The following CDH20 variants were observed in gnomAD, a reference collection of about 807,000 sequenced individuals.
CDH20 encodes cadherin-20.
A neutral mutation model predicts 74.2 loss-of-function variants in CDH20; 29 were observed. The observed-to-expected ratio is 0.39, with a 90% confidence interval of 0.29 to 0.53. The LOEUF is 0.53. CDH20 is among the 20% of genes least tolerant of loss of function. CDH20 has a pLI of 0.69. For missense variants in CDH20, 988 were observed against 1,048.3 expected (o/e 0.94, Z 0.79); for synonymous variants, 469 against 405.4 (o/e 1.16, Z -1.88).
intron 1 of CDH20, among the ~76,000 whole-genome samples, chr18:61,403,789 A>G (rs1048962239): frequency 7.2e-5 from 11 of 152,228 alleles, no homozygotes; most frequent in African/African-American, 2.4e-4. Context: ...AAATCATTCT[A>G]TTACAAAGAT....
At chr18:61,433,402 A>C (rs764379864) in intron 1 of CDH20, among the ~76,000 whole-genome samples, 1 of 152,212 alleles carries the variant, frequency 6.6e-6, no homozygotes, top group Non-Finnish European at 1.5e-5. Context: ...TTATTTGGAA[A>C]TATAATGAAG....
chr18:61,473,359 G>A (rs909195461), intron 1 of CDH20, among the ~76,000 whole-genome samples: 3 of 151,820 alleles, frequency 2.0e-5, no homozygotes, highest in African/African-American at 7.3e-5. Context: ...TTTTAATACC[G>A]TGAAGAGAAA....
At chr18:61,394,957 C>T (rs763479826) in intron 1 of CDH20, among the ~76,000 whole-genome samples, 4 of 152,020 alleles carry the variant, frequency 2.6e-5, no homozygotes, top group Non-Finnish European at 4.4e-5. Context: ...GAAGAGGAAC[C>T]TGTGTTCCCC....
At chr18:61,413,360 A>AT (rs1406189107) in intron 1 of CDH20, among the ~76,000 whole-genome samples, 4 of 152,152 alleles carry the variant, frequency 2.6e-5, no homozygotes, top group African/African-American at 4.8e-5. Flanking sequence ...TTTATTTTTT[A>AT]TTTTTTAACC....
intron 6 of CDH20, among the ~76,000 whole-genome samples, chr18:61,524,297 C>A (rs1410185125): frequency 3.9e-5 from 6 of 152,220 alleles, no homozygotes; most frequent in African/African-American, 1.4e-4. Context: ...ACTGGCAAAA[C>A]CAAGGGCTGA....
chr18:61,389,154 C>T (rs1203714107), intron 1 of CDH20, among the ~76,000 whole-genome samples: 1 of 152,092 alleles, frequency 6.6e-6, no homozygotes, highest in Non-Finnish European at 1.5e-5. Flanking sequence ...GAGGAGTCCT[C>T]GATTACCTGC....
intron 1 of CDH20, among the ~76,000 whole-genome samples, chr18:61,361,222 G>T (rs528015468): frequency 1.3e-5 from 2 of 152,288 alleles, no homozygotes; most frequent in South Asian, 4.1e-4. Context: ...CAGAGCTAGG[G>T]GGAAGGAGGT....
At chr18:61,534,381 A>G (rs1356477826) in intron 7 of CDH20, among the ~76,000 whole-genome samples, 2 of 152,268 alleles carry the variant, frequency 1.3e-5, no homozygotes, top group African/African-American at 4.8e-5. Context: ...ATTTCTGGGT[A>G]TATATCCAAA....
At position 61,554,677 on chromosome 18, in the gene CDH20, A is replaced by C. The variant is rs754745196; in HGVS notation, c.2388A>C (p.Gly796=). The change falls in exon 12 of 12, where the codon GGA becomes GGC. Residue 796 remains glycine, a synonymous_variant. Transcript: ENST00000262717. ...KLAELYGASE[G]PAPLW ...CCGAGCTCTACGGGGCGTCGGAGGG[A>C]CCCGCGCCGCTGTGGTGACGGAAGC... 3 of 1,575,198 alleles carry C rather than the reference A, an allele frequency of 1.9e-6. No individual in the cohort carries two copies. The highest frequency in any genetic ancestry group is 2.3e-5 in the South Asian group (2 of 87,842).
intron 1 of CDH20, among the ~76,000 whole-genome samples, chr18:61,475,393 A>C (rs1277480202): frequency 6.6e-6 from 1 of 152,230 alleles, no homozygotes; most frequent in Non-Finnish European, 1.5e-5. Flanking sequence ...AGCTCTAAAT[A>C]AAATCAGGAG....
At chr18:61,444,256 G>C (rs1909125413) in intron 1 of CDH20, among the ~76,000 whole-genome samples, 1 of 152,110 alleles carries the variant, frequency 6.6e-6, no homozygotes, top group African/African-American at 2.4e-5. Context: ...CTCAGTAAAT[G>C]TCAGATGAAT....
At chr18:61,437,755 G>A (rs746619256) in intron 1 of CDH20, among the ~76,000 whole-genome samples, 8 of 152,088 alleles carry the variant, frequency 5.3e-5, no homozygotes, top group Non-Finnish European at 1.0e-4. Context: ...ATGAGAGGTT[G>A]ACCATTACAG....
chr18:61,411,633 C>CCA (rs138526165), intron 1 of CDH20, among the ~76,000 whole-genome samples: 6,674 of 143,056 alleles, frequency 0.047, 404 homozygotes, highest in African/African-American at 0.14. Context: ...AGATATGTAT[C>CCA]CACACACACA....
chr18:61,527,326 G>A lies in CDH20; in HGVS notation c.1018-641G>A, dbSNP rs368655202. Among the ~76,000 whole-genome samples, 5 of 6,716 alleles carry A rather than the reference G, an allele frequency of 7.4e-4. 1 individual carries two copies. Among genetic ancestry groups the A allele is most frequent in the African/African-American group, 9.5e-4 (5 of 5,236 alleles). 4.4% of individuals were successfully genotyped at this position (6,716 alleles called of 152,430 possible). Reference sequence around the variant, plus strand: ...TTGTACTCAAGAATAATTTTTTAAGGAAAAAAAAAAAGCCTAGGCCTCAGT... The same window carrying A: ...TTGTACTCAAGAATAATTTTTTAAGAAAAAAAAAAAAGCCTAGGCCTCAGT... On this transcript the variant is annotated intron_variant, in intron 6 of 11. Coordinates refer to ENST00000262717, the MANE Select transcript of CDH20 (RefSeq NM_031891.4).
At chr18:61,496,374 A>G (rs1599125790) in intron 2 of CDH20, among the ~76,000 whole-genome samples, 1 of 149,144 alleles carries the variant, frequency 6.7e-6, no homozygotes, top group East Asian at 2.0e-4. Context: ...AACCTCCTGG[A>G]AAGCTGCTCC....
chr18:61,506,795 G>T (rs771194363), intron 5 of CDH20, among the ~76,000 whole-genome samples: 12 of 152,182 alleles, frequency 7.9e-5, no homozygotes, highest in Non-Finnish European at 1.8e-4. Context: ...GGCTGGGGCA[G>T]TCTGGGGTGT....
intron 10 of CDH20, among the ~76,000 whole-genome samples, chr18:61,548,623 CAG>C (rs1286038907): frequency 3.0e-4 from 45 of 152,354 alleles, no homozygotes; most frequent in African/African-American, 1.0e-3. Context: ...ACAAAAATCT[CAG>C]TGGCTTAGCA....
intron 1 of CDH20, among the ~76,000 whole-genome samples, chr18:61,375,661 A>G (rs1911196201): frequency 6.6e-6 from 1 of 152,120 alleles, no homozygotes; most frequent in African/African-American, 2.4e-5. Flanking sequence ...TTCATCCTTT[A>G]AAGACCAACT....
intron 8 of CDH20, among the ~76,000 whole-genome samples, chr18:61,538,602 G>GTTT (rs1227502362): frequency 1.6e-4 from 8 of 50,438 alleles, no homozygotes; most frequent in Admixed American, 5.1e-4. Flanking sequence ...GTTTGTTTTT[G>GTTT]TTTTTGTTTT....
Sources: allele counts gnomAD v4.1 joint callset (sites outside exome capture counted in the v4.1 genomes callset), GRCh38; gene constraint gnomAD v4.1.1; transcripts MANE v1.5; gene names NCBI Gene and HGNC (gene_info 2026-07-23, HGNC 2026-07-21).